LRRC49: variants seen among roughly 807,000 people sequenced by gnomAD.
LRRC49 encodes the protein leucine-rich repeat-containing protein 49.
In LRRC49, 50 loss-of-function variants were observed where a neutral mutation model predicts 83.3. That is an observed-to-expected ratio of 0.60 (90% CI 0.48 to 0.76). The LOEUF is 0.76. Ranked by LOEUF, LRRC49 falls within the 30% of genes least tolerant of loss-of-function variation. The probability of loss-of-function intolerance (pLI) is 0.00; values close to 1 mark genes in which losing one functional copy is unlikely to be tolerated. For synonymous variants in LRRC49, 286 were observed against 283.3 expected (o/e 1.01, Z -0.10); for missense variants, 704 against 809.1 (o/e 0.87, Z 1.58).
At chr15:70,892,280 G>A, upstream of LRRC49, 1 of 1,557,816 alleles carries the variant, frequency 6.4e-7, no homozygotes, top group Non-Finnish European at 8.7e-7. Context: ...CATGGCGGCC[G>A]TCTTCGGTGC....
At chr15:70,864,870 A>G (rs2032877359) in intron 1 of LRRC49, among the ~76,000 whole-genome samples, 2 of 152,254 alleles carry the variant, frequency 1.3e-5, no homozygotes, top group Admixed American at 1.3e-4. Context: ...TCATCTGTGT[A>G]TCCGGGAATC....
chr15:71,008,400 C>T lies in LRRC49; in HGVS notation c.1191C>T (p.Asn397=). 1 of 1,612,434 alleles carries T rather than the reference C, an allele frequency of 6.2e-7. No individual in the cohort carries two copies. Among genetic ancestry groups the T allele is most frequent in the Non-Finnish European group, 8.5e-7 (1 of 1,178,840 alleles). The stretch of plus-strand genomic sequence containing the variant: ...CCAGGCCTCTAGACTCAGGACTCAA[C>T]AATGCTTTACAAGGTTTATCTGTCA... ...EETGPLDSGL[N]NALQGLSVID... is the part of the protein sequence containing the mutation. Residue 397 remains asparagine (N), a synonymous_variant, in exon 12 of 16, where the codon AAC becomes AAT. Transcript: ENST00000260382.
chr15:71,009,412 C>CTG (rs752480382), intron 12 of LRRC49, among the ~76,000 whole-genome samples: 107 of 151,870 alleles, frequency 7.0e-4, no homozygotes, highest in Non-Finnish European at 1.1e-3. Context: ...TTGTGGGGGC[C>CTG]TGTATTTATA....
intron 9 of LRRC49, among the ~76,000 whole-genome samples, chr15:70,970,193 T>G (rs1385712854): frequency 6.6e-6 from 1 of 152,216 alleles, no homozygotes; most frequent in Non-Finnish European, 1.5e-5. Flanking sequence ...TGAAGCGGTA[T>G]TGAATTTTTA....
intron 2 of LRRC49, among the ~76,000 whole-genome samples, chr15:70,878,808 T>TA (rs2033205237): frequency 6.6e-6 from 1 of 152,260 alleles, no homozygotes; most frequent in South Asian, 2.1e-4. Flanking sequence ...AAACTGTACT[T>TA]AGATGTGATG....
intron 8 of LRRC49, among the ~76,000 whole-genome samples, chr15:70,947,842 G>A (rs1350477212): frequency 3.3e-5 from 5 of 152,066 alleles, no homozygotes; most frequent in Non-Finnish European, 7.4e-5. Flanking sequence ...CCGCAGCCAG[G>A]GACATACAGG....
chr15:70,886,401 A>G (rs1055910872), intron 2 of LRRC49, among the ~76,000 whole-genome samples: 1 of 152,196 alleles, frequency 6.6e-6, no homozygotes, highest in Non-Finnish European at 1.5e-5. Context: ...AACATTCACC[A>G]TAAAAATTCT....
Position 70,968,375 on chromosome 15 carries a change from C to T in LRRC49, c.921+4443C>T, listed in dbSNP as rs185391364. ...TGTATACGTGCCACATTTTCTTTAT[C>T]CAGCCTAAGATTGATGGGCATTTTG... is the stretch of plus-strand genomic sequence containing the variant. On this transcript the variant is annotated intron_variant, in intron 9 of 15. Transcript: ENST00000260382. Among the ~76,000 whole-genome samples the T allele has an allele frequency of 2.4e-3, 370 of 152,210 alleles. 2 individuals carry two copies. The highest frequency in any genetic ancestry group is 8.7e-3 in the African/African-American group (360 of 41,518).
At chr15:70,991,868 G>A (rs931413443) in intron 11 of LRRC49, among the ~76,000 whole-genome samples, 7 of 152,148 alleles carry the variant, frequency 4.6e-5, no homozygotes, top group Admixed American at 3.3e-4. Flanking sequence ...TATAGTAAAG[G>A]AAGTAATTTG....
chr15:70,912,475 A>G (rs1273927926), intron 6 of LRRC49, among the ~76,000 whole-genome samples: 1 of 152,120 alleles, frequency 6.6e-6, no homozygotes, highest in Non-Finnish European at 1.5e-5. Context: ...CCACTAATAC[A>G]TAATCATGTT....
chr15:70,854,383 C>T (rs533784912), intron 1 of LRRC49, among the ~76,000 whole-genome samples: 3 of 152,294 alleles, frequency 2.0e-5, no homozygotes, highest in Admixed American at 6.5e-5. Context: ...CCCCCGATCA[C>T]TCCCTCCGTC....
chr15:70,999,352 A>G lies in LRRC49; in HGVS notation c.1170-9027A>G, dbSNP rs200151412. 2.6e-5 allele frequency among the ~76,000 whole-genome samples: 4 copies of G among 152,082 alleles called. No homozygotes were observed. In the East Asian group the frequency reaches 5.8e-4, roughly 22 times the overall value. Reference sequence around the variant, plus strand: ...TTGATTGTTGTCTTCTATTTTTTTAATGACTTTCCTAATTATTTCTGTGAA... The same window carrying G: ...TTGATTGTTGTCTTCTATTTTTTTAGTGACTTTCCTAATTATTTCTGTGAA... On this transcript the variant is annotated intron_variant, in intron 11 of 15. Coordinates refer to ENST00000260382, the MANE Select transcript of LRRC49 (RefSeq NM_017691.5).
chr15:70,870,225 T>G (rs949822367), intron 1 of LRRC49, among the ~76,000 whole-genome samples: 1 of 152,248 alleles, frequency 6.6e-6, no homozygotes, highest in Non-Finnish European at 1.5e-5. Flanking sequence ...TTTATAAACA[T>G]GAAGATTGGA....
At chr15:70,886,369 G>C (rs1250531373) in intron 2 of LRRC49, among the ~76,000 whole-genome samples, 1 of 152,112 alleles carries the variant, frequency 6.6e-6, no homozygotes, top group East Asian at 1.9e-4. Flanking sequence ...AAATAAGCTT[G>C]TGAAACTTAG....
chr15:70,892,540 A>C, upstream of LRRC49: 1 of 1,511,482 alleles, frequency 6.6e-7, no homozygotes, highest in Non-Finnish European at 8.8e-7. Flanking sequence ...TCGCGCGGGC[A>C]GCGCTGAGGT....
Position 70,946,670 on chromosome 15 carries a change from C to G in LRRC49, c.773+9848C>G, listed in dbSNP as rs557300043. On this transcript the variant is annotated intron_variant, in intron 8 of 15. Transcript: ENST00000260382. ...TAATTTTTTTAGGAACCTCCATACT[C>G]TTTTTTATAATGATTGTACTAATTT... Among the ~76,000 whole-genome samples, 3 of 152,184 alleles carry G rather than the reference C, an allele frequency of 2.0e-5. No homozygotes were observed. The South Asian group carries it at 6.2e-4, about 32-fold the overall frequency.
Position 70,978,184 on chromosome 15 carries a change from AGT to A in LRRC49, c.922-1916_922-1915del, listed in dbSNP as rs1491147103. Among the ~76,000 whole-genome samples, 269 of 152,322 alleles carry A rather than the reference AGT, an allele frequency of 1.8e-3. 1 individual carries two copies. The highest frequency in any genetic ancestry group is 3.1e-3 in the Non-Finnish European group (213 of 68,030). On this transcript the variant is annotated intron_variant, in intron 9 of 15. Coordinates refer to ENST00000260382, the MANE Select transcript of LRRC49 (RefSeq NM_017691.5). ...GTCAGCATAGGCTAGATTGTGCTGC[AGT>A]AACAGCTTCTCTAACTTCAGTGAAT... is the stretch of plus-strand genomic sequence containing the variant.
chr15:70,906,236 A>T (rs966428081), intron 5 of LRRC49, among the ~76,000 whole-genome samples: 8 of 151,584 alleles, frequency 5.3e-5, no homozygotes, highest in Non-Finnish European at 1.0e-4. Context: ...AGCTGGGACT[A>T]TAGGCACGTG....
chr15:70,986,765 G>A (rs1408632543), intron 11 of LRRC49, among the ~76,000 whole-genome samples: 4 of 152,180 alleles, frequency 2.6e-5, no homozygotes, highest in South Asian at 2.1e-4. Flanking sequence ...GATATTGGCT[G>A]TGGGATTGTC....
Sources: gnomAD v4.1 joint callset for allele counts (sites outside exome capture counted in the v4.1 genomes callset) on GRCh38, gnomAD v4.1.1 for gene constraint, MANE v1.5 for transcripts, NCBI Gene and HGNC (gene_info 2026-07-23, HGNC 2026-07-21) for gene names.